The following EYS variants were observed in gnomAD, a reference collection of about 807,000 sequenced individuals.
EYS encodes protein eyes shut homolog.
In EYS, 250 loss-of-function variants were observed where a neutral mutation model predicts 282.1. That is an observed-to-expected ratio of 0.89 (90% CI 0.80 to 0.98). The LOEUF is 0.98. Among genes scored for constraint, EYS ranks in the 50% least tolerant of loss-of-function variants. The pLI, the probability that EYS is intolerant of heterozygous loss-of-function variation, is 0.00. For missense variants in EYS, 4,016 were observed against 3,709.0 expected (o/e 1.08, Z -2.15); for synonymous variants, 1,355 against 1,282.9 (o/e 1.06, Z -1.20).
rs932069281 is a variant in EYS at position 63,789,019 on chromosome 6, C to G, written c.7578+39G>C. 4.5e-6 allele frequency: 7 copies of G among 1,541,558 alleles called. No homozygotes were observed. In the African/African-American group the frequency reaches 9.6e-5, roughly 21 times the overall value. Reference sequence around the variant, plus strand: ...GCACAGATCTGACAATATACTAGTGCTCTCAGTTTGTGGAAGTGACGAAGG... The same window carrying G: ...GCACAGATCTGACAATATACTAGTGGTCTCAGTTTGTGGAAGTGACGAAGG... On this transcript the variant is annotated intron_variant, in intron 38 of 42. Transcript: ENST00000503581.
At chr6:64,904,931 G>C (rs1465481316) in intron 16 of EYS, among the ~76,000 whole-genome samples, 1 of 152,144 alleles carries the variant, frequency 6.6e-6, no homozygotes, top group Non-Finnish European at 1.5e-5. Flanking sequence ...GCAGACATTG[G>C]GAGAAAACAT....
chr6:64,341,480 G>T (rs1310413873), intron 29 of EYS, among the ~76,000 whole-genome samples: 5 of 151,676 alleles, frequency 3.3e-5, no homozygotes, highest in Non-Finnish European at 7.4e-5. Context: ...CTTATAAGTG[G>T]GAGGTAAGTA....
rs369896518 is a variant in EYS, at chr6:65,471,540, C to A, written c.862+19054G>T. Among the ~76,000 whole-genome samples the A allele has an allele frequency of 4.7e-4, 71 of 152,272 alleles. 1 individual carries two copies. The highest frequency in any genetic ancestry group is 1.6e-3 in the African/African-American group (68 of 41,560). On this transcript the variant is annotated intron_variant, in intron 5 of 42. Coordinates refer to ENST00000503581, the MANE Select transcript of EYS (RefSeq NM_001142800.2). ...ATCTTGGACAACTTGCTTAGCATAT[C>A]ACAACCAGCTTTTCACTAACTCCTG...
intron 10 of EYS, among the ~76,000 whole-genome samples, chr6:65,336,958 G>T (rs1057410528): frequency 6.6e-6 from 1 of 151,254 alleles, no homozygotes; most frequent in Non-Finnish European, 1.5e-5. Context: ...AATGACAATA[G>T]AATTTTACTA....
chr6:64,957,615 A>C (rs975542966), intron 14 of EYS, among the ~76,000 whole-genome samples: 1 of 152,232 alleles, frequency 6.6e-6, no homozygotes, highest in African/African-American at 2.4e-5. Context: ...GTAATTTGTA[A>C]CACAACAGAT....
intron 36 of EYS, among the ~76,000 whole-genome samples, chr6:63,843,412 T>C (rs2149698693): frequency 6.6e-6 from 1 of 152,304 alleles, no homozygotes; most frequent in Admixed American, 6.5e-5. Flanking sequence ...TTGTCTATTA[T>C]TGGTGTACAG....
chr6:65,401,861 A>G (rs1256066418), intron 7 of EYS, among the ~76,000 whole-genome samples: 1 of 151,972 alleles, frequency 6.6e-6, no homozygotes, highest in Non-Finnish European at 1.5e-5. Flanking sequence ...CAGTCAGATA[A>G]AAGTCAGGCA....
At chr6:64,163,896 T>A (rs1430451703) in intron 31 of EYS, among the ~76,000 whole-genome samples, 1 of 152,104 alleles carries the variant, frequency 6.6e-6, no homozygotes, top group Non-Finnish European at 1.5e-5. Context: ...CCAGAAGGAA[T>A]CCTGAACTAG....
intron 1 of EYS, among the ~76,000 whole-genome samples, chr6:65,648,727 AAAAC>A (rs1427533952): frequency 6.8e-6 from 1 of 147,956 alleles, no homozygotes; most frequent in Non-Finnish European, 1.5e-5. Context: ...ATCAATTTAT[AAAAC>A]AAACAGAGAA....
intron 35 of EYS, among the ~76,000 whole-genome samples, chr6:63,928,207 G>A (rs1426628237): frequency 6.6e-6 from 1 of 152,176 alleles, no homozygotes; most frequent in African/African-American, 2.4e-5. Context: ...AGCAGAAAGA[G>A]AAGGTTTATG....
intron 13 of EYS, among the ~76,000 whole-genome samples, chr6:65,027,226 A>G (rs1174059950): frequency 6.6e-6 from 1 of 152,170 alleles, no homozygotes; most frequent in African/African-American, 2.4e-5. Flanking sequence ...TCTTGTTTCT[A>G]AAGTTATTTA....
At chr6:64,143,974 C>G (rs906805451) in intron 31 of EYS, among the ~76,000 whole-genome samples, 4 of 152,136 alleles carry the variant, frequency 2.6e-5, no homozygotes, top group Admixed American at 2.6e-4. Context: ...ACTGCAAGTT[C>G]TCATTATCTC....
chr6:64,344,666 C>A (rs1314239831), intron 29 of EYS, among the ~76,000 whole-genome samples: 3 of 152,124 alleles, frequency 2.0e-5, no homozygotes, highest in African/African-American at 7.2e-5. Flanking sequence ...TCTCACCACT[C>A]CTATTCAACA....
At chr6:63,896,564 T>G (rs1353472521) in intron 35 of EYS, among the ~76,000 whole-genome samples, 1 of 152,224 alleles carries the variant, frequency 6.6e-6, no homozygotes, top group African/African-American at 2.4e-5. Flanking sequence ...TGACACATTT[T>G]TATAACTCCC....
chr6:64,795,934 A>C (rs7751836), intron 22 of EYS, among the ~76,000 whole-genome samples: 75,497 of 152,002 alleles, frequency 0.5, 20,166 homozygotes, highest in Admixed American at 0.64. Flanking sequence ...AGAAATGGAG[A>C]GAGATGCTTT....
intron 13 of EYS, among the ~76,000 whole-genome samples, chr6:65,006,932 G>T (rs557944655): frequency 3.3e-4 from 51 of 152,318 alleles, no homozygotes; most frequent in African/African-American, 9.9e-4. Context: ...AAATGAATTT[G>T]CATAAGAACT....
intron 35 of EYS, among the ~76,000 whole-genome samples, chr6:63,931,230 C>T (rs937617604): frequency 2.0e-5 from 3 of 152,178 alleles, no homozygotes; most frequent in Non-Finnish European, 2.9e-5. Flanking sequence ...CATCTGCTTT[C>T]CACCTTCCTG....
chr6:64,778,702 A>C (rs988258320), intron 22 of EYS, among the ~76,000 whole-genome samples: 13 of 152,174 alleles, frequency 8.5e-5, no homozygotes, highest in Non-Finnish European at 1.3e-4. Context: ...ACCACCAACA[A>C]CAACAAAACT....
At chr6:64,249,449 A>G (rs2150347727) in intron 30 of EYS, among the ~76,000 whole-genome samples, 1 of 152,334 alleles carries the variant, frequency 6.6e-6, no homozygotes, top group East Asian at 1.9e-4. Context: ...TTTTCAAGTG[A>G]TGGATATTCC....
Sources: gnomAD v4.1 joint callset for allele counts (sites outside exome capture counted in the v4.1 genomes callset) on GRCh38, gnomAD v4.1.1 for gene constraint, MANE v1.5 for transcripts, NCBI Gene and HGNC (gene_info 2026-07-23, HGNC 2026-07-21) for gene names.